Variants in ZRANB3 observed in about 807,000 individuals in gnomAD.
The protein encoded by ZRANB3 is zinc finger RANBP2-type containing 3.
In ZRANB3, 125 loss-of-function variants were observed where a neutral mutation model predicts 133.8. That is an observed-to-expected ratio of 0.93 (90% CI 0.81 to 1.08). The LOEUF (loss-of-function observed/expected upper bound fraction) is 1.08. ZRANB3 is among the 50% of genes least tolerant of loss of function. The pLI is 0.00. For missense variants in ZRANB3, 1,229 were observed against 1,275.5 expected (o/e 0.96, Z 0.56); for synonymous variants, 387 against 432.7 (o/e 0.89, Z 1.31).
intron 2 of ZRANB3, among the ~76,000 whole-genome samples, chr2:135,439,624 T>C (rs1436551597): frequency 2.0e-5 from 3 of 152,206 alleles, no homozygotes; most frequent in African/African-American, 7.2e-5. Context: ...AGAAAATATA[T>C]TTAAGATTCT....
At position 135,242,122 on chromosome 2, in the gene ZRANB3, C is replaced by T. The variant is rs369472270; in HGVS notation, c.1540-11195G>A. 2.2e-4 allele frequency among the ~76,000 whole-genome samples: 33 copies of T among 151,690 alleles called. No homozygotes were observed. In the East Asian group the frequency reaches 3.1e-3, roughly 14 times the overall value. ...TGAACTCAGGAAGCAGAGGTTGTAG[C>T]GAGCCAACTTTTGCCTCTGAACTCC... On this transcript the variant is annotated intron_variant, in intron 12 of 20. Coordinates refer to ENST00000264159, the MANE Select transcript of ZRANB3 (RefSeq NM_032143.4).
At chr2:135,212,237 T>C (rs1694122162) in intron 17 of ZRANB3, among the ~76,000 whole-genome samples, 1 of 152,198 alleles carries the variant, frequency 6.6e-6, no homozygotes, top group Non-Finnish European at 1.5e-5. Context: ...TAGAGTTCTT[T>C]TACTTGCCCT....
intron 3 of ZRANB3, 106 bp downstream of exon 3, chr2:135,390,696 T>C (rs1687185965): frequency 9.1e-7 from 1 of 1,093,884 alleles, no homozygotes; most frequent in Non-Finnish European, 1.3e-6. Context: ...CCCATCCCCA[T>C]ATACAGACAT....
At chr2:135,384,634 G>C (rs1207712793) in intron 3 of ZRANB3, among the ~76,000 whole-genome samples, 1 of 152,104 alleles carries the variant, frequency 6.6e-6, no homozygotes, top group African/African-American at 2.4e-5. Context: ...ACATCAAAAA[G>C]CTTATCCACC....
chr2:135,467,749 AC>A (rs1313827674), intron 2 of ZRANB3, among the ~76,000 whole-genome samples: 5 of 152,074 alleles, frequency 3.3e-5, no homozygotes, highest in African/African-American at 1.2e-4. Flanking sequence ...CCACCTCTTC[AC>A]GGCCTAGCTT....
At chr2:135,338,469 C>T (rs1468526872) in intron 6 of ZRANB3, among the ~76,000 whole-genome samples, 2 of 152,306 alleles carry the variant, frequency 1.3e-5, no homozygotes, top group Middle Eastern at 3.4e-3. Context: ...ACCACAGTGC[C>T]GCGTGGCTTC....
chr2:135,284,903 C>T (rs528309307), intron 8 of ZRANB3, among the ~76,000 whole-genome samples: 5 of 150,634 alleles, frequency 3.3e-5, no homozygotes, highest in African/African-American at 4.9e-5. Context: ...TGGAGTGCCA[C>T]GGTGCACTCT....
chr2:135,390,824 GAAAAAAAAA>G lies in ZRANB3; in HGVS notation c.162-13_162-5del, dbSNP rs201179629. The G allele has an allele frequency of 1.5e-6, 2 of 1,299,410 alleles. No homozygotes were observed. Among genetic ancestry groups the G allele is most frequent in the Non-Finnish European group, 2.0e-6 (2 of 987,234 alleles). 80.5% of individuals were successfully genotyped at this position (1,299,410 alleles called of 1,614,324 possible). A position where few individuals can be genotyped will look rare whatever the true frequency, so the allele number is the denominator to read the frequency against. The stretch of plus-strand genomic sequence containing the variant: ...TACTTCATCAGCCACCATACACCTG[GAAAAAAAAA>G]AAAAAAAAAATTAATTATCAGAGTG... On this transcript the variant is annotated splice_region_variant and splice_polypyrimidine_tract_variant and intron_variant, in intron 2 of 20. Coordinates refer to ENST00000264159, the MANE Select transcript of ZRANB3 (RefSeq NM_032143.4).
At chr2:135,529,920 C>A (rs1227231988) in intron 1 of ZRANB3, among the ~76,000 whole-genome samples, 1 of 151,666 alleles carries the variant, frequency 6.6e-6, no homozygotes, top group Non-Finnish European at 1.5e-5. Context: ...CTTTTCCTTC[C>A]AAGCTGACTT....
rs754997739 is a variant in ZRANB3 at position 135,269,099 on chromosome 2, A to T, written c.1249T>A (p.Leu417Met). Reference protein sequence around the residue: ...TAASHVVFAELYWDPGHIKQA... With the variant: ...TAASHVVFAEMYWDPGHIKQA... ...TTTATATGTCCAGGGTCCCAGTACA[A>T]CTCAGCAAATACAACATGACTTGCT... is the stretch of plus-strand genomic sequence containing the variant. The change falls in exon 11 of 21, where the codon TTG (leucine) becomes ATG (methionine). Residue 417 changes from leucine (L) to methionine (M), a missense_variant. Coordinates refer to ENST00000264159, the MANE Select transcript of ZRANB3 (RefSeq NM_032143.4). 6.2e-7 allele frequency: 1 copy of T among 1,608,644 alleles called. No homozygotes were observed. The highest frequency in any genetic ancestry group is 8.5e-7 in the Non-Finnish European group (1 of 1,178,418).
intron 8 of ZRANB3, among the ~76,000 whole-genome samples, chr2:135,292,473 G>T (rs1343232591): frequency 6.6e-6 from 1 of 152,050 alleles, no homozygotes; most frequent in Non-Finnish European, 1.5e-5. Context: ...TTGTTTGAGT[G>T]CATTGTAGAT....
At chr2:135,208,621 C>T (rs1006636690) in intron 18 of ZRANB3, among the ~76,000 whole-genome samples, 11 of 152,270 alleles carry the variant, frequency 7.2e-5, no homozygotes, top group African/African-American at 1.4e-4. Flanking sequence ...GGCCTCTACC[C>T]GCAAGCCCTG....
chr2:135,205,183 A>C (rs1693808033), intron 19 of ZRANB3, among the ~76,000 whole-genome samples: 1 of 152,190 alleles, frequency 6.6e-6, no homozygotes, highest in Non-Finnish European at 1.5e-5. Context: ...AAAAATATAT[A>C]ATTTGTCAAA....
chr2:135,226,336 C>G (rs1440617334), intron 14 of ZRANB3, among the ~76,000 whole-genome samples: 1 of 152,078 alleles, frequency 6.6e-6, no homozygotes, highest in Non-Finnish European at 1.5e-5. Flanking sequence ...TAGTATGTAC[C>G]ACTCTGGTTC....
At chr2:135,205,087 A>G (rs1037173449) in intron 19 of ZRANB3, among the ~76,000 whole-genome samples, 6 of 152,098 alleles carry the variant, frequency 3.9e-5, no homozygotes, top group Non-Finnish European at 7.3e-5. Flanking sequence ...GTATTTCCCT[A>G]TCTCTCAGAG....
chr2:135,293,374 A>G (rs1681864239), intron 8 of ZRANB3, among the ~76,000 whole-genome samples: 1 of 151,924 alleles, frequency 6.6e-6, no homozygotes, highest in Non-Finnish European at 1.5e-5. Context: ...ATGGGAGTTC[A>G]CTCATGATTT....
intron 2 of ZRANB3, among the ~76,000 whole-genome samples, chr2:135,465,800 A>G (rs989304220): frequency 6.6e-6 from 1 of 152,222 alleles, no homozygotes; most frequent in African/African-American, 2.4e-5. Context: ...AGAATCTACG[A>G]AGAACTTAAA....
At chr2:135,481,312 T>C (rs1174301675) in intron 2 of ZRANB3, among the ~76,000 whole-genome samples, 1 of 151,586 alleles carries the variant, frequency 6.6e-6, no homozygotes, top group Non-Finnish European at 1.5e-5. Flanking sequence ...CCATTCTAAC[T>C]GGTGTGAGAT....
intron 14 of ZRANB3, among the ~76,000 whole-genome samples, chr2:135,226,393 A>G (rs1222487356): frequency 6.6e-6 from 1 of 152,168 alleles, no homozygotes; most frequent in Non-Finnish European, 1.5e-5. Context: ...TAGTGTGCCT[A>G]CTTTGTTTTC....
Sources: gnomAD v4.1 joint callset for allele counts (sites outside exome capture counted in the v4.1 genomes callset) on GRCh38, gnomAD v4.1.1 for gene constraint, MANE v1.5 for transcripts, NCBI Gene and HGNC (gene_info 2026-07-23, HGNC 2026-07-21) for gene names.